The following RYR3 variants were observed in gnomAD, a reference collection of about 807,000 sequenced individuals.
The protein encoded by RYR3 is brain ryanodine receptor-calcium release channel.
RYR3 carries 207 observed loss-of-function variants against 584.3 expected under a neutral mutation model. That is an observed-to-expected ratio of 0.35 (90% CI 0.32 to 0.40). RYR3 has a LOEUF of 0.40. Ranked by LOEUF, RYR3 falls within the 10% of genes least tolerant of loss-of-function variation. The pLI is 1.00. For missense variants in RYR3, 5,616 were observed against 6,089.2 expected (o/e 0.92, Z 2.59); for synonymous variants, 2,416 against 2,248.5 (o/e 1.07, Z -2.11).
intron 12 of RYR3, among the ~76,000 whole-genome samples, chr15:33,577,363 A>G (rs970257039): frequency 7.2e-5 from 11 of 152,216 alleles, no homozygotes; most frequent in Non-Finnish European, 1.0e-4. Context: ...CCCAACTTCA[A>G]ACTATGTTAT....
intron 81 of RYR3, among the ~76,000 whole-genome samples, chr15:33,823,628 C>CT (rs1366741614): frequency 6.6e-6 from 1 of 152,144 alleles, no homozygotes; most frequent in Non-Finnish European, 1.5e-5. Flanking sequence ...AGGCTTTGAA[C>CT]TTTCCATTCA....
intron 46 of RYR3, among the ~76,000 whole-genome samples, chr15:33,728,051 T>C (rs1348881060): frequency 1.3e-5 from 2 of 152,258 alleles, no homozygotes. Context: ...TCGAAGTTTA[T>C]TCTATTTATG....
chr15:33,581,630 C>T lies in RYR3; in HGVS notation c.1560C>T (p.Leu520=). The T allele has an allele frequency of 1.2e-6, 2 of 1,613,694 alleles. No homozygotes were observed. The highest frequency in any genetic ancestry group is 2.2e-5 in the South Asian group (2 of 91,074). Residue 520 remains leucine, a synonymous_variant, in exon 14 of 104, where the codon CTC becomes CTT. Coordinates refer to ENST00000634891, the MANE Select transcript of RYR3 (RefSeq NM_001036.6). ...CCTGGAAAGAAATTCTGAACCTCCT[C>T]TACAAATTGCTGGGTAAGTACACAT... is the stretch of plus-strand genomic sequence containing the variant. ...GMAWKEILNL[L]YKLLAALIRG...
At chr15:33,541,475 T>A (rs2055810038) in intron 7 of RYR3, among the ~76,000 whole-genome samples, 2 of 152,188 alleles carry the variant, frequency 1.3e-5, no homozygotes, top group African/African-American at 2.4e-5. Context: ...TCAATACACC[T>A]TTCAAGTTGT....
intron 1 of RYR3, among the ~76,000 whole-genome samples, chr15:33,342,923 T>G (rs1288351507): frequency 6.6e-6 from 1 of 152,230 alleles, no homozygotes; most frequent in African/African-American, 2.4e-5. Context: ...GGTATCTAGA[T>G]ACCATGGGGG....
chr15:33,387,688 G>A (rs78642297), intron 1 of RYR3, among the ~76,000 whole-genome samples: 237 of 151,320 alleles, frequency 1.6e-3, no homozygotes, highest in African/African-American at 5.3e-3. Context: ...ATAGAGAAGA[G>A]ATTGGATTTT....
chr15:33,579,920 C>T, intron 12 of RYR3, 56 bp from the exon 13 acceptor site: 2 of 1,441,154 alleles, frequency 1.4e-6, no homozygotes, highest in Non-Finnish European at 1.9e-6. Flanking sequence ...AGTGGGTGTT[C>T]ATCAGGGCCC....
At chr15:33,642,753 G>A (rs185664491) in intron 27 of RYR3, among the ~76,000 whole-genome samples, 1 of 152,174 alleles carries the variant, frequency 6.6e-6, no homozygotes, top group Non-Finnish European at 1.5e-5. Context: ...TAGTGCTCAG[G>A]ATGTTACATG....
chr15:33,707,081 T>G, intron 43 of RYR3, 27 bp downstream of exon 43: 1 of 1,612,934 alleles, frequency 6.2e-7, no homozygotes, highest in Non-Finnish European at 8.5e-7. Context: ...TCCATACCTC[T>G]TATACCCAGA....
chr15:33,751,550 T>C (rs1265031494), intron 57 of RYR3, among the ~76,000 whole-genome samples: 1 of 151,134 alleles, frequency 6.6e-6, no homozygotes, highest in Admixed American at 6.6e-5. Context: ...AAAGTGTCTG[T>C]TCAAAGCCTT....
chr15:33,623,537 A>C (rs1383356418), intron 19 of RYR3, among the ~76,000 whole-genome samples: 5 of 152,156 alleles, frequency 3.3e-5, no homozygotes, highest in African/African-American at 1.2e-4. Flanking sequence ...GTACAGATAA[A>C]CTTGGTTCTA....
In RYR3 at chr15:33,530,592, G is replaced by T. The variant is rs761093409; in HGVS notation, c.280G>T (p.Ala94Ser). 1.9e-6 allele frequency: 3 copies of T among 1,610,850 alleles called. No homozygotes were observed. In the South Asian group the frequency reaches 3.3e-5, roughly 18 times the overall value. The change falls in exon 4 of 104, where the codon GCA becomes TCA. Residue 94 changes from alanine to serine, a missense_variant and splice_region_variant. Transcript: ENST00000634891. ...ANTGENGGEG[A>S]AQGGGHRTLL... ...ACCTTATTCTTCCTCATTCCCACAGGCAGCACAAGGAGGTGGCCACAGGAC... is the reference window on the plus strand; with the variant it reads ...ACCTTATTCTTCCTCATTCCCACAGTCAGCACAAGGAGGTGGCCACAGGAC...
chr15:33,668,967 G>A (rs535443448), intron 36 of RYR3, among the ~76,000 whole-genome samples: 2 of 152,210 alleles, frequency 1.3e-5, no homozygotes, highest in African/African-American at 4.8e-5. Flanking sequence ...ATTGGATTAA[G>A]AAAGTAAGAA....
chr15:33,541,885 A>T (rs971021628), intron 7 of RYR3, among the ~76,000 whole-genome samples: 2 of 152,234 alleles, frequency 1.3e-5, no homozygotes, highest in Admixed American at 1.3e-4. Context: ...TTGTCAGTCA[A>T]TCCCTTTCTA....
intron 93 of RYR3, among the ~76,000 whole-genome samples, chr15:33,845,788 C>T (rs1261873509): frequency 6.6e-6 from 1 of 152,158 alleles, no homozygotes; most frequent in African/African-American, 2.4e-5. Flanking sequence ...TAGGTGGTAA[C>T]CACTCAAGAT....
At position 33,581,541 on chromosome 15, in the gene RYR3, C is replaced by T. The variant is rs781202685; in HGVS notation, c.1471C>T (p.Arg491Cys). 53 of 1,613,450 alleles carry T rather than the reference C, an allele frequency of 3.3e-5. 1 individual carries two copies. Among genetic ancestry groups the T allele is most frequent in the South Asian group, 3.1e-4 (28 of 91,050 alleles). Residue 491 changes from arginine to cysteine, a missense_variant, in exon 14 of 104, where the codon CGC becomes TGC. Physicochemically the swap from Arg to Cys is radical, Grantham distance 180. Transcript: ENST00000634891. ...GGCCCTTGTCTTAAATTGCATTGACCGCTTAAATGTCTACAATAGCGTAGC... is the reference window on the plus strand; with the variant it reads ...GGCCCTTGTCTTAAATTGCATTGACTGCTTAAATGTCTACAATAGCGTAGC... Reference protein sequence around the residue: ...MLALVLNCIDRLNVYNSVAHF... With the variant: ...MLALVLNCIDCLNVYNSVAHF...
At chr15:33,598,374 T>C (rs546892292) in intron 16 of RYR3, among the ~76,000 whole-genome samples, 2 of 151,710 alleles carry the variant, frequency 1.3e-5, no homozygotes, top group Non-Finnish European at 2.9e-5. Flanking sequence ...CTTTTAACCA[T>C]TGAGCTCCTT....
intron 16 of RYR3, among the ~76,000 whole-genome samples, chr15:33,597,190 A>G (rs2059419172): frequency 6.6e-6 from 1 of 152,206 alleles, no homozygotes; most frequent in African/African-American, 2.4e-5. Flanking sequence ...AAATTTTGAC[A>G]CCTTACAGTA....
intron 12 of RYR3, among the ~76,000 whole-genome samples, chr15:33,575,783 A>C (rs1344588851): frequency 6.6e-6 from 1 of 152,170 alleles, no homozygotes; most frequent in African/African-American, 2.4e-5. Flanking sequence ...ACTAAAGGAG[A>C]TAGAGACACA....
Sources: allele counts gnomAD v4.1 joint callset (sites outside exome capture counted in the v4.1 genomes callset), GRCh38; gene constraint gnomAD v4.1.1; transcripts MANE v1.5; gene names NCBI Gene and HGNC (gene_info 2026-07-23, HGNC 2026-07-21).